Variants in MCTP1 observed in about 807,000 individuals in gnomAD.
The protein encoded by MCTP1 is multiple C2 and transmembrane domain containing 1.
A neutral mutation model predicts 120.6 loss-of-function variants in MCTP1; 69 were observed. The ratio of observed to expected loss-of-function variants is 0.57; its 90% confidence interval spans 0.47 to 0.70. The LOEUF is 0.70. Among genes scored for constraint, MCTP1 ranks in the 30% least tolerant of loss-of-function variants. The pLI is 0.00. For synonymous variants in MCTP1, 529 were observed against 493.1 expected, an observed-to-expected ratio of 1.07 and a Z score of -0.96; for missense variants, 1,203 against 1,248.8, an observed-to-expected ratio of 0.96 and a Z score of 0.55.
chr5:94,766,328 G>T (rs1772699563), intron 19 of MCTP1, among the ~76,000 whole-genome samples: 2 of 152,160 alleles, frequency 1.3e-5, no homozygotes, highest in South Asian at 2.1e-4. Context: ...ATACACCATG[G>T]AATACTATGC....
chr5:95,231,916 T>C (rs941767841), intron 1 of MCTP1, among the ~76,000 whole-genome samples: 2 of 152,190 alleles, frequency 1.3e-5, no homozygotes, highest in Non-Finnish European at 2.9e-5. Context: ...GGGATAGCTG[T>C]AGAGTATAAA....
At chr5:95,207,758 A>T (rs1010678036) in intron 1 of MCTP1, among the ~76,000 whole-genome samples, 2 of 152,170 alleles carry the variant, frequency 1.3e-5, no homozygotes, top group African/African-American at 2.4e-5. Flanking sequence ...ACAAGAATAA[A>T]AATGTGATTG....
chr5:95,150,666 G>A (rs1290077410), intron 1 of MCTP1, among the ~76,000 whole-genome samples: 1 of 152,030 alleles, frequency 6.6e-6, no homozygotes, highest in Non-Finnish European at 1.5e-5. Context: ...AGTATTATGT[G>A]GCATTCTTTC....
At chr5:94,826,772 C>CTTTTTTGTT in intron 17 of MCTP1, 1 of 42,866 alleles carries the variant, frequency 2.3e-5, no homozygotes, top group Non-Finnish European at 3.5e-5. Context: ...GTGACCCCTG[C>CTTTTTTGTT]TTTTTTTTTT....
intron 3 of MCTP1, among the ~76,000 whole-genome samples, chr5:94,952,884 G>C (rs1007528845): frequency 2.0e-5 from 3 of 152,078 alleles, no homozygotes; most frequent in African/African-American, 7.2e-5. Context: ...AGAAAGACTG[G>C]GTTCTGTGTA....
chr5:94,732,752 C>T (rs1763370478), intron 19 of MCTP1, among the ~76,000 whole-genome samples: 1 of 152,154 alleles, frequency 6.6e-6, no homozygotes, highest in Non-Finnish European at 1.5e-5. Context: ...AGCTGAAAGA[C>T]AGCTGTCTAT....
intron 2 of MCTP1, among the ~76,000 whole-genome samples, chr5:95,015,441 C>T (rs886414849): frequency 3.9e-5 from 6 of 151,986 alleles, no homozygotes; most frequent in African/African-American, 1.2e-4. Context: ...CAGATAAATG[C>T]CATTTCCTCT....
chr5:95,083,388 C>T (rs1755163509), intron 1 of MCTP1, among the ~76,000 whole-genome samples: 1 of 152,136 alleles, frequency 6.6e-6, no homozygotes, highest in African/African-American at 2.4e-5. Context: ...ACTTTAATCC[C>T]AGTGATGTAA....
chr5:95,274,513 G>GACCTCTCCCTCTCC (rs1286202270), intron 1 of MCTP1, among the ~76,000 whole-genome samples: 1 of 152,004 alleles, frequency 6.6e-6, no homozygotes, highest in Non-Finnish European at 1.5e-5. Flanking sequence ...CTTTATCTTT[G>GACCTCTCCCTCTCC]ACCTCTCCCT....
intron 1 of MCTP1, among the ~76,000 whole-genome samples, chr5:95,070,494 C>T (rs772011658): frequency 4.6e-5 from 7 of 152,244 alleles, no homozygotes; most frequent in Admixed American, 3.9e-4. Flanking sequence ...TTGCTCTCAA[C>T]ACTCTGAGAA....
intron 1 of MCTP1, among the ~76,000 whole-genome samples, chr5:95,150,970 TATTATC>T (rs1760843307): frequency 6.6e-6 from 1 of 151,784 alleles, no homozygotes; most frequent in Non-Finnish European, 1.5e-5. Flanking sequence ...CATAAGAAAA[TATTATC>T]ATTATTATTT....
At chr5:94,836,322 C>G (rs1253044759) in intron 17 of MCTP1, among the ~76,000 whole-genome samples, 1 of 151,904 alleles carries the variant, frequency 6.6e-6, no homozygotes, top group African/African-American at 2.4e-5. Context: ...AAAATGCTAA[C>G]CAGTCCTCCA....
chr5:94,854,316 G>T (rs533288369), intron 17 of MCTP1, among the ~76,000 whole-genome samples: 4 of 151,814 alleles, frequency 2.6e-5, no homozygotes, highest in Non-Finnish European at 5.9e-5. Flanking sequence ...TTTGCTTGAG[G>T]TGGGGATCAT....
chr5:94,894,816 C>T lies in MCTP1; in HGVS notation c.1672G>A (p.Ala558Thr). ...TTGTGCGTCTGTTCCCTACTGAGGGCTGACAGGTCGACCTGGCACCTAGAG... is the reference window on the plus strand; with the variant it reads ...TTGTGCGTCTGTTCCCTACTGAGGGTTGACAGGTCGACCTGGCACCTAGAG... ...FIGRCQVDLS[A>T]LSREQTHKLE... Residue 558 changes from alanine to threonine, a missense_variant, in exon 11 of 23, where the codon GCC (alanine) becomes ACC (threonine). Coordinates refer to ENST00000515393, the MANE Select transcript of MCTP1 (RefSeq NM_024717.7). 1 of 1,591,166 alleles carries T rather than the reference C, an allele frequency of 6.3e-7. No individual in the cohort carries two copies. Among genetic ancestry groups the T allele is most frequent in the Non-Finnish European group, 8.6e-7 (1 of 1,164,352 alleles).
intron 19 of MCTP1, among the ~76,000 whole-genome samples, chr5:94,775,226 G>A (rs577132225): frequency 2.0e-4 from 30 of 152,252 alleles, no homozygotes; most frequent in Admixed American, 5.9e-4. Flanking sequence ...AGAATGCCAC[G>A]CATTTGAATC....
At chr5:95,158,048 C>T (rs143132930) in intron 1 of MCTP1, among the ~76,000 whole-genome samples, 1,636 of 152,254 alleles carry the variant, frequency 0.011, 29 homozygotes, top group African/African-American at 0.036. Flanking sequence ...ACAAATCATA[C>T]ATGATCTCAC....
intron 1 of MCTP1, among the ~76,000 whole-genome samples, chr5:95,223,055 C>T (rs1405621590): frequency 6.6e-6 from 1 of 152,166 alleles, no homozygotes; most frequent in Non-Finnish European, 1.5e-5. Context: ...TTGGATGAGG[C>T]CCACCCTCAT....
chr5:95,263,426 C>T (rs1406279213), intron 1 of MCTP1, among the ~76,000 whole-genome samples: 1 of 152,138 alleles, frequency 6.6e-6, no homozygotes, highest in East Asian at 1.9e-4. Context: ...TTGTCACCTC[C>T]CCCATACTAA....
intron 1 of MCTP1, among the ~76,000 whole-genome samples, chr5:95,088,731 T>C (rs867719387): frequency 1.3e-5 from 2 of 152,348 alleles, no homozygotes; most frequent in Middle Eastern, 3.4e-3. Context: ...CTAACTACTT[T>C]ACCAACATTA....
Sources: allele counts gnomAD v4.1 joint callset (sites outside exome capture counted in the v4.1 genomes callset), GRCh38; gene constraint gnomAD v4.1.1; transcripts MANE v1.5; gene names NCBI Gene and HGNC (gene_info 2026-07-23, HGNC 2026-07-21).